Variants in NVL observed in about 807,000 individuals in gnomAD.
The protein encoded by NVL is nuclear VCP like.
Under a neutral mutation model 110.2 loss-of-function variants are expected in NVL, and 84 were observed. The ratio of observed to expected loss-of-function variants is 0.76; its 90% CI spans 0.64 to 0.91. The LOEUF is 0.91. Among genes scored for constraint, NVL ranks in the 40% least tolerant of loss-of-function variants. The pLI, the probability that NVL is intolerant of heterozygous loss-of-function variation, is 0.00. For missense variants in NVL, 882 were observed against 1,035.9 expected (o/e 0.85, Z 2.04); for synonymous variants, 354 against 361.1 (o/e 0.98, Z 0.22).
chr1:224,307,725 A>C (rs531869267), intron 6 of NVL, among the ~76,000 whole-genome samples: 14 of 147,640 alleles, frequency 9.5e-5, no homozygotes, highest in East Asian at 2.0e-4. Flanking sequence ...AAAAAAAGCT[A>C]TCTCTCTGTG....
At chr1:224,323,752 C>A (rs572662063) in intron 2 of NVL, among the ~76,000 whole-genome samples, 48 of 152,306 alleles carry the variant, frequency 3.2e-4, no homozygotes, top group African/African-American at 1.1e-3. Flanking sequence ...GGGCTGCCTC[C>A]TCCTAGGTAA....
intron 18 of NVL, among the ~76,000 whole-genome samples, chr1:224,264,330 G>A (rs1037858473): frequency 1.3e-5 from 2 of 150,922 alleles, no homozygotes; most frequent in African/African-American, 2.4e-5. Context: ...TGCAACCTCC[G>A]CCTCCTGGGT....
chr1:224,243,238 T>A (rs1037052033), intron 19 of NVL, among the ~76,000 whole-genome samples: 1 of 151,398 alleles, frequency 6.6e-6, no homozygotes, highest in African/African-American at 2.4e-5. Flanking sequence ...GGTGGGTACA[T>A]CGCTTGAGCT....
intron 1 of NVL, among the ~76,000 whole-genome samples, chr1:224,326,808 G>A (rs1363158253): frequency 2.0e-5 from 3 of 152,176 alleles, no homozygotes; most frequent in African/African-American, 7.2e-5. Context: ...AAGGAACACA[G>A]TGATATTTGA....
rs879063368 is a variant in NVL at position 224,275,543 on chromosome 1, A to G, written c.1963-85T>C. 5.0e-4 allele frequency: 773 copies of G among 1,539,814 alleles called. 2 individuals carry two copies. The highest frequency in any genetic ancestry group is 8.5e-4 in the Middle Eastern group (5 of 5,882). ...ATGATACTAAACAGTTTTATGTGAC[A>G]TAAACTAGTTTTATGTGTCAAAGTC... is the stretch of plus-strand genomic sequence containing the variant. On this transcript the variant is annotated intron_variant, in intron 16 of 22. Transcript: ENST00000281701.
At chr1:224,261,125 C>T (rs925367612) in intron 18 of NVL, among the ~76,000 whole-genome samples, 22 of 152,248 alleles carry the variant, frequency 1.4e-4, no homozygotes, top group African/African-American at 3.9e-4. Flanking sequence ...CTGCCCGCCT[C>T]GGCCTCCCGA....
At position 224,289,492 on chromosome 1, in the gene NVL, C is replaced by A; in HGVS notation, c.1567G>T (p.Glu523Ter). The A allele has an allele frequency of 6.2e-7, 1 of 1,614,030 alleles. No homozygotes were observed. Among genetic ancestry groups the A allele is most frequent in the South Asian group, 1.1e-5 (1 of 91,046 alleles). Residue 523 changes from glutamate (E) to a stop codon, truncating the protein, a stop_gained, in exon 13 of 23, where the codon GAA (glutamate) becomes TAA (stop). Transcript: ENST00000281701. LOFTEE classifies it high-confidence loss of function. The stretch of plus-strand genomic sequence containing the variant: ...GCCTTTAGAGAAAGCACCTGTGTTT[C>A]AGAAGTGGGCTCAGTTCCCAGCCTT... Reference protein sequence around the residue: ...EERLGTEPTSETQDELQRLLG... With the variant: ...EERLGTEPTS
Position 224,234,236 on chromosome 1 carries a change from T to C in NVL, c.2367-947A>G, listed in dbSNP as rs115180475. The stretch of plus-strand genomic sequence containing the variant: ...TGAGTCAGCACAGTTCTGAGTTCAA[T>C]GAAAGACACTCATGTTGACTGGAGT... On this transcript the variant is annotated intron_variant, in intron 20 of 22. Coordinates refer to ENST00000281701, the MANE Select transcript of NVL (RefSeq NM_002533.4). 6.6e-5 allele frequency among the ~76,000 whole-genome samples: 10 copies of C among 152,326 alleles called. 1 individual carries two copies. Among genetic ancestry groups the C allele is most frequent in the South Asian group, 2.1e-4 (1 of 4,828 alleles).
intron 19 of NVL, among the ~76,000 whole-genome samples, chr1:224,243,597 TACATGGA>T (rs1299356032): frequency 6.6e-6 from 1 of 151,914 alleles, no homozygotes; most frequent in Non-Finnish European, 1.5e-5. Flanking sequence ...ATGAAAATAC[TACATGGA>T]ACAGAGTAAG....
rs571783326 is a variant in NVL, at chr1:224,255,122, G to A, written c.2183-4804C>T. Among the ~76,000 whole-genome samples the A allele has an allele frequency of 1.4e-3, 216 of 150,494 alleles. 5 individuals are homozygous for A. Among genetic ancestry groups the A allele is most frequent in the African/African-American group, 5.1e-3 (209 of 40,988 alleles). ...CCTGACCTCATGATCCGTCTGCCTC[G>A]GTTCCCAAAGTGCTGGGATTACAGG... On this transcript the variant is annotated intron_variant, in intron 18 of 22. Transcript: ENST00000281701.
intron 16 of NVL, among the ~76,000 whole-genome samples, chr1:224,277,161 T>C (rs1464274066): frequency 6.6e-6 from 1 of 152,150 alleles, no homozygotes; most frequent in African/African-American, 2.4e-5. Flanking sequence ...ATTCAGATTT[T>C]ATCATTATTG....
chr1:224,306,316 G>C (rs1668906893), intron 6 of NVL, among the ~76,000 whole-genome samples: 1 of 152,068 alleles, frequency 6.6e-6, no homozygotes, highest in South Asian at 2.1e-4. Context: ...ACCCAGGATG[G>C]AGTGCAGTGG....
rs199568245 is a variant in NVL at position 224,280,058 on chromosome 1, G to T, written c.1962+1065C>A. Among the ~76,000 whole-genome samples the T allele has an allele frequency of 8.2e-3, 1,238 of 151,852 alleles. 18 individuals carry two copies. Among genetic ancestry groups the T allele is most frequent in the African/African-American group, 0.028 (1,170 of 41,464 alleles). ...AATATACACATAGTAAATATAGAAAGAAGTGCATGGAACTAATAAGCACCA... is the reference window on the plus strand; with the variant it reads ...AATATACACATAGTAAATATAGAAATAAGTGCATGGAACTAATAAGCACCA... On this transcript the variant is annotated intron_variant, in intron 16 of 22. Coordinates refer to ENST00000281701, the MANE Select transcript of NVL (RefSeq NM_002533.4).
At chr1:224,305,410 T>C (rs899422853) in intron 6 of NVL, 16 of 370,480 alleles carry the variant, frequency 4.3e-5, no homozygotes, top group African/African-American at 3.1e-4. Context: ...TATACTAAAA[T>C]TGGAATGATA....
rs372293478 is a variant in NVL at position 224,275,438 on chromosome 1, A to C, written c.1983T>G (p.Arg661=). The C allele has an allele frequency of 1.4e-4, 219 of 1,614,060 alleles. No individual in the cohort carries two copies. In the Middle Eastern group the frequency reaches 3.8e-3, roughly 28 times the overall value. Reference sequence around the variant, plus strand: ...CTCGTTGAAAAACTTGTCGCACAGCACGTTCACTCTCACCAACATACTAAA... The same window carrying C: ...CTCGTTGAAAAACTTGTCGCACAGCCCGTTCACTCTCACCAACATACTAAA... The part of the protein sequence containing the change: ...LLNMYVGESE[R]AVRQVFQRAK... The change falls in exon 17 of 23, where the codon CGT becomes CGG. Residue 661 remains arginine (R), a synonymous_variant. Transcript: ENST00000281701.
intron 16 of NVL, among the ~76,000 whole-genome samples, chr1:224,278,579 T>C (rs187109150): frequency 4.6e-5 from 7 of 152,210 alleles, no homozygotes; most frequent in African/African-American, 1.2e-4. Context: ...CATAGACCTC[T>C]TCCCCCTACC....
chr1:224,295,292 A>G (rs1199689599), intron 11 of NVL, among the ~76,000 whole-genome samples: 4 of 151,944 alleles, frequency 2.6e-5, no homozygotes, highest in Non-Finnish European at 4.4e-5. Flanking sequence ...TCCCAGGTTC[A>G]TGCCATTCTC....
At chr1:224,230,248 A>G (rs1432796132) in intron 22 of NVL, among the ~76,000 whole-genome samples, 1 of 152,204 alleles carries the variant, frequency 6.6e-6, no homozygotes, top group Non-Finnish European at 1.5e-5. Context: ...TCCAAGAAAT[A>G]CAAAGCCATT....
At chr1:224,265,047 A>G (rs1428848629) in intron 18 of NVL, among the ~76,000 whole-genome samples, 2 of 151,772 alleles carry the variant, frequency 1.3e-5, no homozygotes, top group African/African-American at 4.8e-5. Flanking sequence ...GCCCGGCCAG[A>G]ACATTTATTT....
Sources: gnomAD v4.1 joint callset for allele counts (sites outside exome capture counted in the v4.1 genomes callset) on GRCh38, gnomAD v4.1.1 for gene constraint, MANE v1.5 for transcripts, NCBI Gene and HGNC (gene_info 2026-07-23, HGNC 2026-07-21) for gene names.